APP: variants seen among roughly 807,000 people sequenced by gnomAD.
APP encodes amyloid beta precursor protein, also known as amyloid-beta precursor protein.
APP carries 31 observed loss-of-function variants against 101.4 expected under a neutral mutation model. The observed-to-expected ratio is 0.31, with a 90% CI of 0.23 to 0.41. The LOEUF (loss-of-function observed/expected upper bound fraction) is 0.41. Among genes scored for constraint, APP ranks in the 10% least tolerant of loss-of-function variants. APP has a pLI of 1.00. For synonymous variants in APP, 366 were observed against 364.4 expected (o/e 1.00, Z -0.05); for missense variants, 839 against 1,003.7 (o/e 0.84, Z 2.22).
chr21:25,999,775 T>C (rs1285067251), intron 7 of APP, among the ~76,000 whole-genome samples: 2 of 152,158 alleles, frequency 1.3e-5, no homozygotes, highest in East Asian at 3.8e-4. Flanking sequence ...GCAAGACATA[T>C]GTGCTACAGC....
chr21:26,120,354 T>A (rs2062538719), intron 1 of APP, among the ~76,000 whole-genome samples: 1 of 152,174 alleles, frequency 6.6e-6, no homozygotes, highest in Non-Finnish European at 1.5e-5. Flanking sequence ...AAGGTCTCAG[T>A]ATGTTGCCGA....
intron 15 of APP, among the ~76,000 whole-genome samples, chr21:25,902,067 C>T (rs2038527930): frequency 2.0e-5 from 3 of 152,070 alleles, no homozygotes; most frequent in Admixed American, 2.0e-4. Flanking sequence ...TACAATGGTC[C>T]CTACTTGACA....
At chr21:25,933,332 G>A (rs1246540794) in intron 13 of APP, among the ~76,000 whole-genome samples, 1 of 152,126 alleles carries the variant, frequency 6.6e-6, no homozygotes, top group Non-Finnish European at 1.5e-5. Flanking sequence ...TGAATTGCTG[G>A]GGTCAAGTGA....
intron 6 of APP, among the ~76,000 whole-genome samples, chr21:26,004,342 G>C (rs955591336): frequency 1.4e-5 from 2 of 142,230 alleles, no homozygotes; most frequent in Non-Finnish European, 3.0e-5. Context: ...GAATGCAGTG[G>C]CACTATCTCC....
At chr21:26,131,323 CACTTCATTATTT>C (rs1370601731) in intron 1 of APP, among the ~76,000 whole-genome samples, 1 of 151,984 alleles carries the variant, frequency 6.6e-6, no homozygotes, top group African/African-American at 2.4e-5. Context: ...TAAAACAAAA[CACTTCATTATTT>C]ACCAAAGGAG....
At chr21:25,981,679 C>G (rs1367987424) in intron 9 of APP, among the ~76,000 whole-genome samples, 1 of 145,774 alleles carries the variant, frequency 6.9e-6, no homozygotes, top group African/African-American at 2.5e-5. Context: ...AATTAAGGAC[C>G]TGCTAAAAAA....
At chr21:26,073,269 C>T (rs80168541) in intron 3 of APP, among the ~76,000 whole-genome samples, 4 of 150,260 alleles carry the variant, frequency 2.7e-5, no homozygotes, top group Admixed American at 6.7e-5. Flanking sequence ...CAAAAGGTGG[C>T]GCGGGGAGGA....
chr21:26,136,154 G>GAAAAT (rs150223821), intron 1 of APP, among the ~76,000 whole-genome samples: 1 of 64,848 alleles, frequency 1.5e-5, no homozygotes, highest in Admixed American at 2.0e-4. Flanking sequence ...GAAAAGAAAA[G>GAAAAT]AAAAGAAAAG....
chr21:25,958,523 C>A (rs1456311570), intron 11 of APP, among the ~76,000 whole-genome samples: 2 of 150,186 alleles, frequency 1.3e-5, no homozygotes, highest in Non-Finnish European at 3.0e-5. Flanking sequence ...GTGATCTGCC[C>A]GCCTTGGCCT....
chr21:25,911,203 TTATG>T (rs1176038363), intron 14 of APP, among the ~76,000 whole-genome samples: 13 of 152,244 alleles, frequency 8.5e-5, no homozygotes, highest in Non-Finnish European at 1.5e-4. Context: ...TACATGCTCT[TTATG>T]TATCCACTTT....
At chr21:25,912,101 T>C (rs1338136286) in intron 13 of APP, 139 bp from the exon 14 acceptor site, 4 of 727,334 alleles carry the variant, frequency 5.5e-6, no homozygotes, top group Non-Finnish European at 7.4e-6. Context: ...ATGACATAGG[T>C]ACCATTATCA....
intron 5 of APP, among the ~76,000 whole-genome samples, chr21:26,038,680 CTTGAA>C (rs2045235743): frequency 6.6e-6 from 1 of 152,136 alleles, no homozygotes; most frequent in Non-Finnish European, 1.5e-5. Flanking sequence ...AGGAGAATTG[CTTGAA>C]CTCAGGAGAC....
chr21:25,899,289 C>T (rs748151889), intron 15 of APP, among the ~76,000 whole-genome samples: 8 of 152,262 alleles, frequency 5.3e-5, no homozygotes, highest in Admixed American at 4.6e-4. Context: ...ACTTGGGTAG[C>T]AAGATGTCAT....
At chr21:26,094,443 C>T (rs1410391294) in intron 2 of APP, among the ~76,000 whole-genome samples, 3 of 151,860 alleles carry the variant, frequency 2.0e-5, no homozygotes, top group Admixed American at 6.6e-5. Flanking sequence ...GAAACAAACA[C>T]GTTAAAATTT....
At chr21:25,907,618 T>C (rs564832066) in intron 14 of APP, among the ~76,000 whole-genome samples, 19 of 152,214 alleles carry the variant, frequency 1.2e-4, no homozygotes, top group African/African-American at 3.9e-4. Flanking sequence ...CTCAGTAGCT[T>C]TGAATCAAAT....
intron 11 of APP, among the ~76,000 whole-genome samples, chr21:25,972,411 G>A (rs216771): frequency 1 from 152,346 of 152,346 alleles, 76,173 homozygotes; most frequent in Non-Finnish European, 1. Context: ...TCATCTTTCA[G>A]GCAGTGAAAG....
At chr21:25,920,156 A>C (rs1329266181) in intron 13 of APP, among the ~76,000 whole-genome samples, 5,886 of 143,042 alleles carry the variant, frequency 0.041, 353 homozygotes, top group African/African-American at 0.14. Flanking sequence ...GAAATAAAAT[A>C]CTTTACAGAC....
chr21:25,989,619 A>G (rs2042779224), intron 8 of APP, among the ~76,000 whole-genome samples: 1 of 152,208 alleles, frequency 6.6e-6, no homozygotes, highest in African/African-American at 2.4e-5. Context: ...GATTCTAACA[A>G]GAAAATTGGG....
intron 16 of APP, among the ~76,000 whole-genome samples, chr21:25,895,576 A>C (rs1019347200): frequency 1.3e-5 from 2 of 152,168 alleles, no homozygotes; most frequent in African/African-American, 4.8e-5. Flanking sequence ...ACCTCCCTAA[A>C]AAATTCTTTC....
Sources: gnomAD v4.1 joint callset for allele counts (sites outside exome capture counted in the v4.1 genomes callset) on GRCh38, gnomAD v4.1.1 for gene constraint, MANE v1.5 for transcripts, NCBI Gene and HGNC (gene_info 2026-07-23, HGNC 2026-07-21) for gene names.